The following TBC1D22B variants were observed in gnomAD, a reference collection of about 807,000 sequenced individuals.
TBC1D22B encodes chromosome 6 open reading frame 197.
Under a neutral mutation model 69.1 loss-of-function variants are expected in TBC1D22B, and 32 were observed. The observed-to-expected ratio is 0.46, with a 90% confidence interval of 0.35 to 0.62. The LOEUF (loss-of-function observed/expected upper bound fraction) is 0.62. Among genes scored for constraint, TBC1D22B ranks in the 20% least tolerant of loss-of-function variants. The probability of loss-of-function intolerance (pLI) is 0.00; values close to 1 mark genes in which losing one functional copy is unlikely to be tolerated. For missense variants in TBC1D22B, 462 were observed against 630.9 expected, an observed-to-expected ratio of 0.73 and a Z score of 2.87; for synonymous variants, 206 against 229.8, an observed-to-expected ratio of 0.90 and a Z score of 0.94.
At chr6:37,270,605 A>G (rs946588785) in intron 2 of TBC1D22B, among the ~76,000 whole-genome samples, 2 of 152,128 alleles carry the variant, frequency 1.3e-5, no homozygotes, top group Admixed American at 6.5e-5. Flanking sequence ...CCTTTATCCC[A>G]TCTTTCTCTC....
intron 8 of TBC1D22B, among the ~76,000 whole-genome samples, 162 bp downstream of exon 8, chr6:37,291,519 C>T (rs182712059): frequency 4.5e-4 from 68 of 152,306 alleles, no homozygotes; most frequent in African/African-American, 1.6e-3. Context: ...GCGGTTGCTG[C>T]CTGGAATTTA....
intron 1 of TBC1D22B, among the ~76,000 whole-genome samples, chr6:37,268,961 A>C (rs1313539054): frequency 1.3e-5 from 2 of 152,042 alleles, no homozygotes; most frequent in African/African-American, 4.8e-5. Context: ...CATTTGGGTT[A>C]TTTCTAGTTT....
chr6:37,284,834 C>T (rs1279204939), intron 6 of TBC1D22B, among the ~76,000 whole-genome samples: 2 of 152,086 alleles, frequency 1.3e-5, no homozygotes, highest in Non-Finnish European at 2.9e-5. Flanking sequence ...GCTGCTGGTC[C>T]ACCAACCACA....
At chr6:37,273,569 G>T (rs1766568338) in intron 2 of TBC1D22B, among the ~76,000 whole-genome samples, 1 of 152,182 alleles carries the variant, frequency 6.6e-6, no homozygotes. Flanking sequence ...TTTCTCACCT[G>T]TTGATGATAT....
At chr6:37,284,158 C>T (rs1404333765) in intron 5 of TBC1D22B, among the ~76,000 whole-genome samples, 178 bp from the exon 6 acceptor site, 2 of 152,214 alleles carry the variant, frequency 1.3e-5, no homozygotes, top group Admixed American at 6.5e-5. Context: ...CATCTGCTCA[C>T]ATGTGGATCT....
intron 1 of TBC1D22B, among the ~76,000 whole-genome samples, chr6:37,266,499 T>C (rs1217143670): frequency 4.1e-5 from 6 of 146,676 alleles, no homozygotes; most frequent in Admixed American, 1.4e-4. Context: ...TCTTGCTCTG[T>C]CCCCCAAGCT....
chr6:37,324,379 A>G (rs1768334856), intron 12 of TBC1D22B: 1 of 456,658 alleles, frequency 2.2e-6, no homozygotes, highest in Non-Finnish European at 4.4e-6. Flanking sequence ...AATCCATTCA[A>G]GAATTTAGCT....
intron 8 of TBC1D22B, among the ~76,000 whole-genome samples, chr6:37,309,153 G>A (rs190749348): frequency 1.3e-5 from 2 of 152,280 alleles, no homozygotes; most frequent in Admixed American, 6.5e-5. Context: ...CACTTTAACA[G>A]ATGAGGAATT....
chr6:37,320,270 G>A (rs1400087879), intron 12 of TBC1D22B, among the ~76,000 whole-genome samples: 1 of 152,104 alleles, frequency 6.6e-6, no homozygotes, highest in Non-Finnish European at 1.5e-5. Context: ...AGACTGCCTG[G>A]GGTCGGATCC....
chr6:37,324,258 C>T, intron 12 of TBC1D22B: 1 of 456,192 alleles, frequency 2.2e-6, no homozygotes, highest in Middle Eastern at 3.3e-4. Flanking sequence ...TTTGGTTGTG[C>T]CAGCCCTTAT....
chr6:37,316,193 T>C (rs1768071547), intron 10 of TBC1D22B, among the ~76,000 whole-genome samples: 1 of 152,228 alleles, frequency 6.6e-6, no homozygotes, highest in Non-Finnish European at 1.5e-5. Context: ...AAGCGCTTTC[T>C]GGTGAATCAC....
chr6:37,285,516 C>T (rs906205044), intron 6 of TBC1D22B, among the ~76,000 whole-genome samples: 6 of 150,696 alleles, frequency 4.0e-5, no homozygotes, highest in African/African-American at 9.8e-5. Context: ...TTTTTGAGAC[C>T]GAGTCTTTTT....
At chr6:37,317,234 A>C (rs1768109847) in intron 12 of TBC1D22B, 28 bp downstream of exon 12, 1 of 1,549,488 alleles carries the variant, frequency 6.5e-7, no homozygotes. Context: ...TAGTGTGGGC[A>C]GGGAATGAAC....
intron 1 of TBC1D22B, among the ~76,000 whole-genome samples, chr6:37,267,490 A>AATATATATATATACACTATATATATAAT (rs78675421): frequency 0.064 from 612 of 9,568 alleles, 6 homozygotes; most frequent in Middle Eastern, 0.33. Context: ...CACTATATAT[A>AATATATATATATACACTATATATATAAT]ATATATATAC....
intron 2 of TBC1D22B, among the ~76,000 whole-genome samples, chr6:37,277,259 C>A (rs1471409856): frequency 6.6e-6 from 1 of 152,162 alleles, no homozygotes; most frequent in African/African-American, 2.4e-5. Context: ...ACAGTAATAA[C>A]CACATACTCC....
chr6:37,309,000 A>T (rs1357582400), intron 8 of TBC1D22B, among the ~76,000 whole-genome samples: 1 of 151,506 alleles, frequency 6.6e-6, no homozygotes, highest in South Asian at 2.1e-4. Context: ...AAGTGTATTT[A>T]TTCCTTTGGT....
At chr6:37,262,420 C>T (rs1766136990) in intron 1 of TBC1D22B, among the ~76,000 whole-genome samples, 1 of 152,186 alleles carries the variant, frequency 6.6e-6, no homozygotes, top group Non-Finnish European at 1.5e-5. Flanking sequence ...TGGGCTCAAG[C>T]AGTCTGCCCA....
At chr6:37,309,109 A>G (rs1581619728) in intron 8 of TBC1D22B, among the ~76,000 whole-genome samples, 1 of 152,236 alleles carries the variant, frequency 6.6e-6, no homozygotes, top group Non-Finnish European at 1.5e-5. Flanking sequence ...TATTTAATCC[A>G]TAAAATATCC....
At chr6:37,264,125 CA>C (rs1229278991) in intron 1 of TBC1D22B, among the ~76,000 whole-genome samples, 1 of 150,910 alleles carries the variant, frequency 6.6e-6, no homozygotes, top group Non-Finnish European at 1.5e-5. Flanking sequence ...GATTTAGAGT[CA>C]AAATAAGTCA....
Sources: gnomAD v4.1 joint callset for allele counts (sites outside exome capture counted in the v4.1 genomes callset) on GRCh38, gnomAD v4.1.1 for gene constraint, MANE v1.5 for transcripts, NCBI Gene and HGNC (gene_info 2026-07-23, HGNC 2026-07-21) for gene names.